The following OSBPL9 variants were observed in gnomAD, a reference collection of about 807,000 sequenced individuals.
OSBPL9 encodes oxysterol-binding protein-related protein 9.
OSBPL9 carries 40 observed loss-of-function variants against 106.6 expected under a neutral mutation model. The ratio of observed to expected loss-of-function variants is 0.38; its 90% CI spans 0.29 to 0.49. OSBPL9 has a LOEUF of 0.49. OSBPL9 is among the 20% of genes least tolerant of loss of function. The pLI is 0.97. For synonymous variants in OSBPL9, 269 were observed against 295.4 expected, an observed-to-expected ratio of 0.91 and a Z score of 0.92; for missense variants, 609 against 887.2, an observed-to-expected ratio of 0.69 and a Z score of 3.98.
intron 4 of OSBPL9, among the ~76,000 whole-genome samples, chr1:51,718,946 T>G (rs1372421693): frequency 6.6e-6 from 1 of 152,232 alleles, no homozygotes; most frequent in Non-Finnish European, 1.5e-5. Flanking sequence ...TCTTGCAGAT[T>G]GTGACCTAAT....
At position 51,664,809 on chromosome 1, in the gene OSBPL9, C is replaced by CA. The variant is rs547430567; in HGVS notation, c.163-4623dup. On this transcript the variant is annotated intron_variant, in intron 2 of 23. Coordinates refer to ENST00000428468, the MANE Select transcript of OSBPL9 (RefSeq NM_024586.6). ...TTGGGTTAATGATTAGGAAGTGTTA[C>CA]AAGGGGAGCTTTTCTGTTCATTGAG... 5.3e-5 allele frequency among the ~76,000 whole-genome samples: 8 copies of CA among 152,288 alleles called. No homozygotes were observed. The South Asian group carries it at 1.7e-3, about 32-fold the overall frequency.
intron 2 of OSBPL9, among the ~76,000 whole-genome samples, chr1:51,655,826 A>G (rs1004440517): frequency 6.6e-6 from 1 of 152,204 alleles, no homozygotes; most frequent in African/African-American, 2.4e-5. Context: ...TTCTTGCAGA[A>G]TTTTGTGACG....
chr1:51,681,084 T>C (rs1652445194), intron 3 of OSBPL9, among the ~76,000 whole-genome samples: 1 of 152,212 alleles, frequency 6.6e-6, no homozygotes, highest in Non-Finnish European at 1.5e-5. Context: ...AACAGACTTA[T>C]TCATTAACGC....
At chr1:51,781,593 C>T (rs1303777365) in intron 16 of OSBPL9, 3 of 328,418 alleles carry the variant, frequency 9.1e-6, no homozygotes, top group Non-Finnish European at 1.7e-5. Context: ...TTCAGGATCT[C>T]ATTTTTGTTT....
At chr1:51,679,649 G>A (rs962849393) in intron 3 of OSBPL9, among the ~76,000 whole-genome samples, 1 of 152,128 alleles carries the variant, frequency 6.6e-6, no homozygotes, top group Non-Finnish European at 1.5e-5. Context: ...ATCCCACTTG[G>A]GTGTGAATCA....
intron 1 of OSBPL9, among the ~76,000 whole-genome samples, chr1:51,649,268 A>C (rs1646359424): frequency 6.6e-6 from 1 of 151,996 alleles, no homozygotes; most frequent in Non-Finnish European, 1.5e-5. Context: ...CACCATGCCC[A>C]GCTAATTTTT....
intron 1 of OSBPL9, among the ~76,000 whole-genome samples, chr1:51,585,909 G>C (rs772591892): frequency 1.3e-5 from 2 of 151,370 alleles, no homozygotes; most frequent in Non-Finnish European, 2.9e-5. Context: ...GCGGTGACTC[G>C]CACTTGTAAT....
chr1:51,615,105 C>A (rs1644019435), upstream of OSBPL9, among the ~76,000 whole-genome samples: 1 of 152,148 alleles, frequency 6.6e-6, no homozygotes. Context: ...ACTAAAAATA[C>A]AAAAGTTAGC....
chr1:51,647,449 G>A (rs941944665), intron 1 of OSBPL9, among the ~76,000 whole-genome samples: 29 of 151,998 alleles, frequency 1.9e-4, no homozygotes, highest in Admixed American at 1.4e-3. Flanking sequence ...GAAAGTGTTC[G>A]CTCTTCTATA....
intron 3 of OSBPL9, among the ~76,000 whole-genome samples, chr1:51,691,202 C>G (rs1270241804): frequency 6.7e-6 from 1 of 150,288 alleles, no homozygotes; most frequent in Admixed American, 6.6e-5. Context: ...ACACTGTACA[C>G]TTAGGTTACA....
the OSBPL9 span, among the ~76,000 whole-genome samples, chr1:51,540,326 C>T: frequency 1.3e-5 from 2 of 152,064 alleles, no homozygotes; most frequent in Non-Finnish European, 2.9e-5. Flanking sequence ...TGATATGTTC[C>T]ATCTTGGCCC....
chr1:51,567,756 C>T, the OSBPL9 span: 1 of 152,232 alleles, frequency 6.6e-6, no homozygotes, highest in African/African-American at 2.4e-5. Context: ...ACTCACCCTG[C>T]ACTTGATGGT....
At chr1:51,723,917 C>T (rs891861214) in intron 4 of OSBPL9, among the ~76,000 whole-genome samples, 6 of 152,060 alleles carry the variant, frequency 3.9e-5, no homozygotes, top group East Asian at 1.9e-4. Flanking sequence ...TAGTTTTGTA[C>T]AGAATTCTAG....
chr1:51,564,052 C>CAA, the OSBPL9 span, among the ~76,000 whole-genome samples: 206 of 27,384 alleles, frequency 7.5e-3, 14 homozygotes, highest in South Asian at 0.016. Flanking sequence ...GAGATCATCT[C>CAA]AAAAAAAAAA....
intron 1 of OSBPL9, among the ~76,000 whole-genome samples, chr1:51,586,597 A>C (rs756518027): frequency 1.5e-4 from 23 of 152,234 alleles, no homozygotes; most frequent in Non-Finnish European, 3.4e-4. Context: ...GGAATTACCT[A>C]GGAAAAGGAT....
At chr1:51,752,993 G>A (rs572012856) in intron 8 of OSBPL9, among the ~76,000 whole-genome samples, 2 of 152,222 alleles carry the variant, frequency 1.3e-5, no homozygotes, top group South Asian at 2.1e-4. Flanking sequence ...TATAGGAGGT[G>A]CCTGATAAAT....
intron 14 of OSBPL9, 115 bp from the exon 15 acceptor site, chr1:51,776,718 A>G: frequency 1.5e-6 from 1 of 687,850 alleles, no homozygotes; most frequent in Admixed American, 2.8e-5. Flanking sequence ...TATGTGGTGG[A>G]TGTTACCATG....
upstream of OSBPL9, among the ~76,000 whole-genome samples, chr1:51,576,975 G>A (rs1645188027): frequency 6.6e-6 from 1 of 152,158 alleles, no homozygotes; most frequent in Admixed American, 6.5e-5. Context: ...TGTTGGAGGT[G>A]GGGCATGGTG....
chr1:51,707,713 C>T (rs542022239), intron 3 of OSBPL9: 22 of 189,120 alleles, frequency 1.2e-4, no homozygotes, highest in South Asian at 2.3e-4. Context: ...CTGAGGATCT[C>T]GAGGCTATTT....
Sources: gnomAD v4.1 joint callset for allele counts (sites outside exome capture counted in the v4.1 genomes callset) on GRCh38, gnomAD v4.1.1 for gene constraint, MANE v1.5 for transcripts, NCBI Gene and HGNC (gene_info 2026-07-23, HGNC 2026-07-21) for gene names.